Variants in ASGR1 observed in about 807,000 individuals in gnomAD.
ASGR1 encodes asialoglycoprotein receptor 1.
In ASGR1, 35 loss-of-function variants were observed where a neutral mutation model predicts 33.1. The observed-to-expected ratio is 1.06, with a 90% CI of 0.81 to 1.40. The LOEUF is 1.40. ASGR1 is among the 40% of genes most tolerant of loss of function. The probability of loss-of-function intolerance (pLI) is 0.00; values close to 1 mark genes in which losing one functional copy is unlikely to be tolerated. For synonymous variants in ASGR1, 142 were observed against 152.5 expected, an observed-to-expected ratio of 0.93 and a Z score of 0.51; for missense variants, 396 against 373.7, an observed-to-expected ratio of 1.06 and a Z score of -0.49.
intron 6 of ASGR1, 40 bp from the exon 7 acceptor site, chr17:7,174,329 CA>C (rs2069168833): frequency 6.2e-7 from 1 of 1,613,568 alleles, no homozygotes; most frequent in Non-Finnish European, 8.5e-7. Context: ...AAGCGCTGCC[CA>C]GAGAAGGGGG....
At chr17:7,176,568 T>A (rs1813504000) in intron 5 of ASGR1, 13 of 456,388 alleles carry the variant, frequency 2.8e-5, no homozygotes, top group Middle Eastern at 6.5e-4. Context: ...CACACCTCAT[T>A]CTCACACACA....
chr17:7,176,538 C>CA (rs1555597835), intron 5 of ASGR1: 93 of 531,874 alleles, frequency 1.7e-4, no homozygotes, highest in Admixed American at 4.8e-4. Flanking sequence ...CACACACACA[C>CA]CATCTCATTC....
At position 7,177,225 on chromosome 17, in the gene ASGR1, CACAG is replaced by C. The variant is rs774643165; in HGVS notation, c.168_171del (p.Cys57Ter). 6.2e-7 allele frequency: 1 copy of C among 1,613,636 alleles called. No homozygotes were observed. Among genetic ancestry groups the C allele is most frequent in the Non-Finnish European group, 8.5e-7 (1 of 1,179,950 alleles). ...GGGCACCCACTTTGGGATCCGATCACACAGACAACCACAAGCAGCAGGAGGCTGA... is the reference window on the plus strand; with the variant it reads ...GGGCACCCACTTTGGGATCCGATCACACAACCACAAGCAGCAGGAGGCTGA... On this transcript the variant is annotated frameshift_variant, in exon 3 of 9. Coordinates refer to ENST00000269299, the MANE Select transcript of ASGR1 (RefSeq NM_001671.5). LOFTEE classifies it high-confidence loss of function.
At chr17:7,176,215 TCACAAACA>T (rs1448282393) in intron 5 of ASGR1, among the ~76,000 whole-genome samples, 2 of 111,530 alleles carry the variant, frequency 1.8e-5, no homozygotes, top group South Asian at 3.1e-4. Context: ...ATTCTCACAC[TCACAAACA>T]CACACACACT....
At chr17:7,176,529 A>ACACACACT (rs567151408) in intron 5 of ASGR1, 43,166 of 494,092 alleles carry the variant, frequency 0.087, 5,593 homozygotes, top group African/African-American at 0.43. Context: ...TCTCATTCCC[A>ACACACACT]CACACACACC....
intron 5 of ASGR1, among the ~76,000 whole-genome samples, chr17:7,175,869 T>TCACA (rs368357043): frequency 0.045 from 6,010 of 134,428 alleles, 288 homozygotes; most frequent in African/African-American, 0.12. Flanking sequence ...CTCCCACTCC[T>TCACA]CACACACAGT....
intron 5 of ASGR1, among the ~76,000 whole-genome samples, chr17:7,176,225 ACACACACT>A (rs1275220506): frequency 3.2e-5 from 4 of 124,308 alleles, no homozygotes; most frequent in South Asian, 2.9e-4. Context: ...TCACAAACAC[ACACACACT>A]CACAGACACA....
intron 2 of ASGR1, chr17:7,177,806 CAGGG>C (rs1314385978): frequency 6.0e-6 from 1 of 166,234 alleles, no homozygotes; most frequent in African/African-American, 2.4e-5. Flanking sequence ...TTCCACCCAG[CAGGG>C]GGAAGAGACA....
intron 5 of ASGR1, chr17:7,176,604 TCACA>T: frequency 1.7e-6 from 1 of 592,482 alleles, no homozygotes; most frequent in Non-Finnish European, 3.0e-6. Context: ...CATCTCATTC[TCACA>T]CTCACAGACA....
intron 5 of ASGR1, among the ~76,000 whole-genome samples, chr17:7,175,334 A>C (rs1011815363): frequency 6.9e-6 from 1 of 144,090 alleles, no homozygotes; most frequent in East Asian, 2.1e-4. Context: ...CACACACAAC[A>C]CACCTTCACC....
At position 7,179,336 on chromosome 17, in the gene ASGR1, T is replaced by TGGGCCCC. The variant is rs2069250632; in HGVS notation, c.-179_-173dup. 6.6e-6 allele frequency: 1 copy of TGGGCCCC among 152,080 alleles called. No homozygotes were observed. Among genetic ancestry groups the TGGGCCCC allele is most frequent in the Admixed American group, 6.6e-5 (1 of 15,242 alleles). The allele number at this position is 152,080 out of a possible 1,614,324, so 9.4% of individuals were successfully genotyped here. On this transcript the variant is annotated 5_prime_UTR_variant, in exon 1 of 9. Transcript: ENST00000269299. ...GCGGGCAGGGTCCATAGGAGGGCCCTGGGCCCCGGTGTCTCTGTGTCTGCG... is the reference window on the plus strand; with the variant it reads ...GCGGGCAGGGTCCATAGGAGGGCCCTGGGCCCCGGGCCCCGGTGTCTCTGTGTCTGCG...
rs772195636 is a variant in ASGR1 at position 7,174,072 on chromosome 17, G to A, written c.595-5C>T. 7.3e-5 allele frequency: 118 copies of A among 1,614,116 alleles called. No homozygotes were observed. Among genetic ancestry groups the A allele is most frequent in the Non-Finnish European group, 9.6e-5 (113 of 1,180,016 alleles). The stretch of plus-strand genomic sequence containing the variant: ...TATGTGGTGCTGGACAAATTTCTGA[G>A]GAGAGAGAAGGCGGGTGGTGATCTC... On this transcript the variant is annotated splice_polypyrimidine_tract_variant and splice_region_variant and intron_variant, in intron 7 of 8. Coordinates refer to ENST00000269299, the MANE Select transcript of ASGR1 (RefSeq NM_001671.5).
Position 7,177,213 on chromosome 17 carries a change from G to A in ASGR1, c.184C>T (p.Gln62Ter), listed in dbSNP as rs1421718958. 8 of 1,613,466 alleles carry A rather than the reference G, an allele frequency of 5.0e-6. No individual in the cohort carries two copies. The South Asian group carries it at 8.8e-5, about 18-fold the overall frequency. ...TTCCCACCCCTGGGGCACCCACTTT[G>A]GGATCCGATCACACAGACAACCACA... is the stretch of plus-strand genomic sequence containing the variant. ...LLVVVCVIGS[Q>*]NSQLQEELRG... The change falls in exon 3 of 9, where the codon CAA becomes TAA. Residue 62 changes from glutamine (Q) to a stop codon, truncating the protein, a stop_gained. Coordinates refer to ENST00000269299, the MANE Select transcript of ASGR1 (RefSeq NM_001671.5). LOFTEE classifies it high-confidence loss of function.
chr17:7,176,660 TACAC>T (rs1257747850), intron 5 of ASGR1, 166 bp downstream of exon 5: 39 of 916,496 alleles, frequency 4.3e-5, no homozygotes, highest in Non-Finnish European at 6.4e-5. Flanking sequence ...AAGGCTCTCA[TACAC>T]ACACCCAAAA....
rs768771826 is a variant in ASGR1 at position 7,173,747 on chromosome 17, C to G, written c.788G>C (p.Arg263Pro). ...CCTCTGGCAGACGTCGTCGTTCCAG[C>G]GGCCGTCGTCGGTGAAGTGGGCACA... is the stretch of plus-strand genomic sequence containing the variant. The part of the protein sequence containing the change: ...EDCAHFTDDG[R>P]WNDDVCQRPY... Residue 263 changes from arginine to proline, a missense_variant, in exon 9 of 9, where the codon CGC (arginine) becomes CCC (proline). Transcript: ENST00000269299. The surrounding 1 kb of genome is among the most constrained non-coding windows in gnomAD (Gnocchi z 4.7). 1.9e-6 allele frequency: 3 copies of G among 1,613,612 alleles called. No individual in the cohort carries two copies. Among genetic ancestry groups the G allele is most frequent in the Non-Finnish European group, 2.5e-6 (3 of 1,180,020 alleles).
chr17:7,178,537 C>G lies in ASGR1; in HGVS notation c.27G>C (p.Gln9His), dbSNP rs150368459. 11 of 1,613,912 alleles carry G rather than the reference C, an allele frequency of 6.8e-6. No individual in the cohort carries two copies. In the Admixed American group the frequency reaches 1.0e-4, roughly 15 times the overall value. The change falls in exon 2 of 9, where the codon CAG (glutamine) becomes CAC (histidine). Residue 9 changes from glutamine to histidine, a missense_variant. Coordinates refer to ENST00000269299, the MANE Select transcript of ASGR1 (RefSeq NM_001671.5). MTKEYQDL[Q>H]HLDNEESDHH... ...GGTCACTCTCCTCATTGTCCAGATG[C>G]TGAAGGTCTTGATACTCCTTGGTCA... is the stretch of plus-strand genomic sequence containing the variant.
At chr17:7,174,540 A>G (rs941660711) in intron 5 of ASGR1, 80 bp from the exon 6 acceptor site, 3 of 1,453,618 alleles carry the variant, frequency 2.1e-6, no homozygotes, top group Admixed American at 2.0e-5. Flanking sequence ...TCAGCCCTAC[A>G]TCCTCCTGCT....
At chr17:7,176,727 CA>C in intron 5 of ASGR1, 102 bp downstream of exon 5, 2 of 1,514,230 alleles carry the variant, frequency 1.3e-6, no homozygotes, top group African/African-American at 1.4e-5. Flanking sequence ...CACTCCCTCT[CA>C]TTCTCACACA....
At chr17:7,176,931 ACAGCCCCCCAGCCC>A (rs760735912) in intron 4 of ASGR1, 30 bp from the exon 5 acceptor site, 1 of 1,609,702 alleles carries the variant, frequency 6.2e-7, no homozygotes, top group South Asian at 1.1e-5. Flanking sequence ...AGCGTTCCCG[ACAGCCCCCCAGCCC>A]CAGCCCCAGC....
Sources: allele counts gnomAD v4.1 joint callset (sites outside exome capture counted in the v4.1 genomes callset), GRCh38; gene constraint gnomAD v4.1.1; non-coding constraint Gnocchi (gnomAD v3.1); transcripts MANE v1.5; gene names NCBI Gene and HGNC (gene_info 2026-07-23, HGNC 2026-07-21).